The following ZNF516 variants were observed in gnomAD, a reference collection of about 807,000 sequenced individuals.
ZNF516 encodes zinc finger protein 516.
ZNF516 carries 19 observed loss-of-function variants against 79.7 expected under a neutral mutation model. That is an observed-to-expected ratio of 0.24 (90% CI 0.17 to 0.35). The LOEUF (loss-of-function observed/expected upper bound fraction) is 0.35. ZNF516 is among the 10% of genes least tolerant of loss of function. ZNF516 has a pLI of 1.00. For synonymous variants in ZNF516, 877 were observed against 739.5 expected (o/e 1.19, Z -3.02); for missense variants, 1,678 against 1,679.5 (o/e 1.00, Z 0.02).
Position 76,363,300 on chromosome 18 carries a change from G to A in ZNF516, c.3433-743C>T, listed in dbSNP as rs552519033. Among the ~76,000 whole-genome samples, 153 of 152,316 alleles carry A rather than the reference G, an allele frequency of 1.0e-3. 1 individual carries two copies. The highest frequency in any genetic ancestry group is 3.2e-3 in the African/African-American group (135 of 41,552). On this transcript the variant is annotated intron_variant, in intron 6 of 6. Transcript: ENST00000443185. Reference sequence around the variant, plus strand: ...GCTAAAATCTTGATGAAGTGAAACTGACCAGTGGAAATTAACATGCATACA... The same window carrying A: ...GCTAAAATCTTGATGAAGTGAAACTAACCAGTGGAAATTAACATGCATACA...
chr18:76,403,865 TATGATTTTTAAAATCTGGGGAAC>T (rs1422135686), intron 3 of ZNF516, among the ~76,000 whole-genome samples: 1 of 152,186 alleles, frequency 6.6e-6, no homozygotes, highest in Non-Finnish European at 1.5e-5. Context: ...ATGAAATACT[TATGATTTTTAAAATCTGGGGAAC>T]ATGCATACCC....
In ZNF516 at chr18:76,379,827, G is replaced by A. The variant is rs764952427; in HGVS notation, c.2287C>T (p.Pro763Ser). 1.2e-6 allele frequency: 2 copies of A among 1,613,878 alleles called. No homozygotes were observed. The highest frequency in any genetic ancestry group is 1.1e-5 in the South Asian group (1 of 91,076). Residue 763 changes from proline to serine, a missense_variant, in exon 4 of 7, where the codon CCT (proline) becomes TCT (serine). This residue lies in a region of ZNF516 where 1,294 missense variants were observed against 1,248.3 expected (regional missense o/e 1.04). Coordinates refer to ENST00000443185, the MANE Select transcript of ZNF516 (RefSeq NM_014643.4). ...LQAALVVHPCPYCSHKTYYPE... is the reference protein window; with the variant it reads ...LQAALVVHPCSYCSHKTYYPE... ...TAGTAGGTCTTGTGGCTGCAGTAAG[G>A]ACACGGGTGAACGACTAAAGCCGCC...
chr18:76,443,589 G>A (rs1911864146), intron 2 of ZNF516, among the ~76,000 whole-genome samples: 1 of 152,284 alleles, frequency 6.6e-6, no homozygotes, highest in South Asian at 2.1e-4. Flanking sequence ...CAAGGTTTAG[G>A]AAAAGGGCAG....
chr18:76,392,307 T>C (rs1315408441), intron 3 of ZNF516, among the ~76,000 whole-genome samples: 1 of 152,158 alleles, frequency 6.6e-6, no homozygotes, highest in Non-Finnish European at 1.5e-5. Context: ...TAATAACAGG[T>C]TATAGTTTTA....
chr18:76,467,996 C>T lies in ZNF516; in HGVS notation c.-271-4855G>A, dbSNP rs1051953870. Among the ~76,000 whole-genome samples the T allele has an allele frequency of 2.0e-5, 3 of 152,158 alleles. No individual in the cohort carries two copies. The highest frequency in any genetic ancestry group is 7.2e-5 in the African/African-American group (3 of 41,430). ...ATTCCAGACCTCCCTACGGACAGCA[C>T]GCGACGGACGGCCTTGCGGGACTCC... On this transcript the variant is annotated intron_variant, in intron 1 of 6. Transcript: ENST00000443185. The surrounding 1 kb of genome is among the most constrained non-coding windows in gnomAD (Gnocchi z 4.2).
intron 4 of ZNF516, chr18:76,378,185 G>A: frequency 6.6e-6 from 1 of 152,222 alleles, no homozygotes; most frequent in East Asian, 1.9e-4. Context: ...GCGCGTGCCG[G>A]AGGAGCAGGA....
chr18:76,401,874 A>ACCAACCACACCCCCGCGCCGCACCC (rs1568262017), intron 3 of ZNF516, among the ~76,000 whole-genome samples: 4 of 148,010 alleles, frequency 2.7e-5, no homozygotes, highest in East Asian at 2.0e-4. Context: ...CCCCTCCACT[A>ACCAACCACACCCCCGCGCCGCACCC]CTGTTTATAG....
At chr18:76,396,891 G>A (rs979474091) in intron 3 of ZNF516, among the ~76,000 whole-genome samples, 1 of 152,172 alleles carries the variant, frequency 6.6e-6, no homozygotes, top group Non-Finnish European at 1.5e-5. Context: ...ATCCACGGGG[G>A]CTTTTCCATG....
At chr18:76,391,727 A>T (rs1303763715) in intron 3 of ZNF516, among the ~76,000 whole-genome samples, 3 of 152,240 alleles carry the variant, frequency 2.0e-5, no homozygotes, top group Admixed American at 2.0e-4. Flanking sequence ...CCAAATTAGA[A>T]ACAGGGACTT....
chr18:76,470,344 A>C (rs1440720999), intron 1 of ZNF516, among the ~76,000 whole-genome samples: 1 of 152,194 alleles, frequency 6.6e-6, no homozygotes, highest in Non-Finnish European at 1.5e-5. Flanking sequence ...GAAAAGTTCC[A>C]TGAAGGGAAC....
Position 76,361,963 on chromosome 18 carries a change from T to G in ZNF516, c.*535A>C, listed in dbSNP as rs1291101431. ...CTCCTTCCTCTCTCTTATTTACTAT[T>G]TTAAATACCCACTAAGACAAGGAGA... On this transcript the variant is annotated 3_prime_UTR_variant, in exon 7 of 7. Transcript: ENST00000443185. 6.6e-6 allele frequency: 1 copy of G among 152,388 alleles called. No individual in the cohort carries two copies. Among genetic ancestry groups the G allele is most frequent in the Admixed American group, 6.5e-5 (1 of 15,298 alleles). The allele number at this position is 152,388 out of a possible 1,614,324, so 9.4% of individuals were successfully genotyped here. A position where few individuals can be genotyped will look rare whatever the true frequency, so the allele number is the denominator to read the frequency against.
chr18:76,462,263 A>C (rs1183803730), intron 2 of ZNF516, among the ~76,000 whole-genome samples: 1 of 152,180 alleles, frequency 6.6e-6, no homozygotes, highest in African/African-American at 2.4e-5. Context: ...ACGGCTTTGT[A>C]GGAATCCCAA....
intron 3 of ZNF516, among the ~76,000 whole-genome samples, chr18:76,412,494 G>GCC (rs1472878467): frequency 1.3e-5 from 2 of 152,168 alleles, no homozygotes; most frequent in Non-Finnish European, 2.9e-5. Context: ...ACCGACGGGA[G>GCC]CCCACACACT....
At chr18:76,445,648 G>A (rs920966781) in intron 2 of ZNF516, among the ~76,000 whole-genome samples, 5 of 152,200 alleles carry the variant, frequency 3.3e-5, no homozygotes, top group African/African-American at 1.2e-4. Context: ...TGGTGGCTCT[G>A]AAATAATTGT....
chr18:76,421,929 A>G (rs75647407), intron 3 of ZNF516, among the ~76,000 whole-genome samples: 1 of 152,282 alleles, frequency 6.6e-6, no homozygotes, highest in East Asian at 1.9e-4. Context: ...ATCAAACTGT[A>G]TGACTCTGGC....
chr18:76,375,306 A>C (rs1599141193), intron 4 of ZNF516, among the ~76,000 whole-genome samples: 1 of 152,326 alleles, frequency 6.6e-6, no homozygotes. Flanking sequence ...GACACCAGGT[A>C]GAGAGTGGAC....
intron 3 of ZNF516, among the ~76,000 whole-genome samples, chr18:76,416,196 G>C (rs983160964): frequency 6.6e-6 from 1 of 152,220 alleles, no homozygotes; most frequent in African/African-American, 2.4e-5. Flanking sequence ...GACATTTTAA[G>C]AAAATCATGT....
chr18:76,401,994 C>T (rs1424541105), intron 3 of ZNF516, among the ~76,000 whole-genome samples: 1 of 148,920 alleles, frequency 6.7e-6, no homozygotes, highest in African/African-American at 2.4e-5. Flanking sequence ...CATGTGTGTA[C>T]GCGCGTGTGT....
At chr18:76,403,048 C>T (rs868364726) in intron 3 of ZNF516, among the ~76,000 whole-genome samples, 7 of 152,244 alleles carry the variant, frequency 4.6e-5, no homozygotes, top group Admixed American at 6.5e-5. Context: ...TGCCACCAGG[C>T]CAGAAACCAC....
Sources: allele counts gnomAD v4.1 joint callset (sites outside exome capture counted in the v4.1 genomes callset), GRCh38; gene constraint gnomAD v4.1.1; regional missense constraint gnomAD v4.1.1; non-coding constraint Gnocchi (gnomAD v3.1); transcripts MANE v1.5; gene names NCBI Gene and HGNC (gene_info 2026-07-23, HGNC 2026-07-21).